CBR4: variants seen among roughly 807,000 people sequenced by gnomAD.
CBR4 encodes 3-oxoacyl-[acyl-carrier-protein] reductase.
In CBR4, 22 loss-of-function variants were observed where a neutral mutation model predicts 21.0. That is an observed-to-expected ratio of 1.05 (90% CI 0.75 to 1.50). CBR4 has a LOEUF of 1.50. CBR4 is among the 40% of genes most tolerant of loss of function. The pLI, the probability that CBR4 is intolerant of heterozygous loss-of-function variation, is 0.00. For missense variants in CBR4, 302 were observed against 286.3 expected, an observed-to-expected ratio of 1.05 and a Z score of -0.40; for synonymous variants, 100 against 104.4, an observed-to-expected ratio of 0.96 and a Z score of 0.26.
intron 2 of CBR4, among the ~76,000 whole-genome samples, chr4:168,913,230 G>C (rs12644874): frequency 1.5e-4 from 22 of 150,774 alleles, no homozygotes; most frequent in Middle Eastern, 3.4e-3. Flanking sequence ...TCCGCCTCCC[G>C]GGTTCAATAG....
Position 168,989,780 on chromosome 4 carries a change from G to A in CBR4, c.*370C>T, listed in dbSNP as rs182615861. On this transcript the variant is annotated 3_prime_UTR_variant, in exon 5 of 5. Transcript: ENST00000306193. ...CACTAAGATTGCTACAGTCTATGAG[G>A]TAACCAAAGGTAAGTGATACACATC... 1,118 of 993,144 alleles carry A rather than the reference G, an allele frequency of 1.1e-3. 4 individuals are homozygous for A. Among genetic ancestry groups the A allele is most frequent in the Middle Eastern group, 4.1e-3 (8 of 1,950 alleles). The allele number at this position is 993,144 out of a possible 1,614,324, so 61.5% of individuals were successfully genotyped here.
At position 168,924,262 on chromosome 4, in the gene CBR4, A is replaced by G. The variant is rs773814059; in HGVS notation, n.170-29497T>C. On this transcript the variant is annotated intron_variant and non_coding_transcript_variant, in intron 2 of 3. Coordinates refer to the CBR4 transcript ENST00000509108. Reference sequence around the variant, plus strand: ...CATCTCATGTTTTCTTAGCTAAAGAAGCACACAAACCCCCTGTGTTTATTG... The same window carrying G: ...CATCTCATGTTTTCTTAGCTAAAGAGGCACACAAACCCCCTGTGTTTATTG... 1.5e-5 allele frequency: 25 copies of G among 1,613,742 alleles called. No homozygotes were observed. The highest frequency in any genetic ancestry group is 6.7e-5 in the Admixed American group (4 of 59,994).
chr4:169,002,212 C>CA lies in CBR4; in HGVS notation c.401-8dup, dbSNP rs60552620. ...TTTAAGCCAACAATGCTTCCTAGGA[C>CA]AAAAAAAAAAAAAAAAAAAAAAAAA... On this transcript the variant is annotated splice_region_variant and splice_polypyrimidine_tract_variant and intron_variant, in intron 3 of 4. Coordinates refer to ENST00000306193, the MANE Select transcript of CBR4 (RefSeq NM_032783.5). 989 of 1,014,678 alleles carry CA rather than the reference C, an allele frequency of 9.7e-4. No individual in the cohort carries two copies. Among genetic ancestry groups the CA allele is most frequent in the African/African-American group, 4.4e-3 (166 of 37,456 alleles). The allele number at this position is 1,014,678 out of a possible 1,614,324, so 62.9% of individuals were successfully genotyped here.
At chr4:168,954,513 G>A (rs1763630528) in intron 2 of CBR4, among the ~76,000 whole-genome samples, 1 of 152,096 alleles carries the variant, frequency 6.6e-6, no homozygotes, top group African/African-American at 2.4e-5. Flanking sequence ...CCTCTTAAAA[G>A]TACCACCTCT....
downstream of CBR4, among the ~76,000 whole-genome samples, chr4:168,985,788 T>C (rs1307360140): frequency 1.3e-5 from 2 of 152,272 alleles, no homozygotes; most frequent in East Asian, 3.9e-4. Flanking sequence ...TAATACCACA[T>C]GCAAAAATGT....
intron 4 of CBR4, among the ~76,000 whole-genome samples, chr4:168,992,377 AAATTACCT>A (rs1470126485): frequency 1.3e-5 from 2 of 152,204 alleles, no homozygotes; most frequent in African/African-American, 4.8e-5. Context: ...GGTGAATAAG[AAATTACCT>A]AATAGGTACA....
intron 2 of CBR4, among the ~76,000 whole-genome samples, chr4:168,918,881 A>G (rs1354987424): frequency 3.3e-5 from 5 of 152,182 alleles, no homozygotes; most frequent in African/African-American, 1.2e-4. Context: ...TAAATAGATA[A>G]TTAGATTATA....
chr4:168,972,273 G>C (rs189399162), intron 2 of CBR4, among the ~76,000 whole-genome samples: 2 of 151,938 alleles, frequency 1.3e-5, no homozygotes, highest in Non-Finnish European at 2.9e-5. Flanking sequence ...GCTCTTTTTC[G>C]GTTCCACATG....
intron 3 of CBR4, among the ~76,000 whole-genome samples, chr4:169,003,267 A>G (rs1730617363): frequency 6.6e-6 from 1 of 152,210 alleles, no homozygotes; most frequent in Admixed American, 6.5e-5. Flanking sequence ...AGGTCAAAAT[A>G]CCAACATTAA....
chr4:168,905,518 G>A (rs1413571679), intron 2 of CBR4, among the ~76,000 whole-genome samples: 1 of 151,804 alleles, frequency 6.6e-6, no homozygotes, highest in Non-Finnish European at 1.5e-5. Context: ...ATATTCCATG[G>A]TCATATAAAT....
At chr4:168,898,819 C>G in intron 2 of CBR4, 1 of 793,430 alleles carries the variant, frequency 1.3e-6, no homozygotes, top group Middle Eastern at 2.2e-4. Context: ...TGATCTTTCT[C>G]AATACCCACG....
chr4:169,004,655 G>C (rs1315493624), intron 3 of CBR4, among the ~76,000 whole-genome samples: 1 of 152,122 alleles, frequency 6.6e-6, no homozygotes, highest in African/African-American at 2.4e-5. Flanking sequence ...TTCAATTTGT[G>C]TGACTTACAT....
At chr4:168,957,519 C>T (rs1763721788) in intron 2 of CBR4, among the ~76,000 whole-genome samples, 1 of 152,096 alleles carries the variant, frequency 6.6e-6, no homozygotes, top group South Asian at 2.1e-4. Flanking sequence ...TAAAGTGTAT[C>T]TGAATTGTGA....
chr4:168,927,986 ATC>A (rs1762770067), intron 2 of CBR4: 2 of 195,418 alleles, frequency 1.0e-5, no homozygotes, highest in African/African-American at 4.6e-5. Context: ...ATAATTTTAT[ATC>A]TGTGTACCAC....
intron 2 of CBR4, among the ~76,000 whole-genome samples, chr4:168,909,242 G>A (rs1758415870): frequency 6.6e-6 from 1 of 152,232 alleles, no homozygotes; most frequent in East Asian, 1.9e-4. Flanking sequence ...CTTGGATTTT[G>A]GAATGGCTAT....
rs1764744510 is a variant in CBR4, at chr4:168,987,854, A to C, written c.*2296T>G. ...ATAATTATCTCCCTAAAAAGCAGTT[A>C]CAAACCATAAATTGAATATGAATAA... On this transcript the variant is annotated 3_prime_UTR_variant, in exon 5 of 5. Coordinates refer to ENST00000306193, the MANE Select transcript of CBR4 (RefSeq NM_032783.5). 1 of 980,442 alleles carries C rather than the reference A, an allele frequency of 1.0e-6. No homozygotes were observed. Among genetic ancestry groups the C allele is most frequent in the Non-Finnish European group, 1.2e-6 (1 of 825,508 alleles). The allele number at this position is 980,442 out of a possible 1,614,324, so 60.7% of individuals were successfully genotyped here.
intron 2 of CBR4, among the ~76,000 whole-genome samples, chr4:168,982,049 G>C (rs1010156715): frequency 6.6e-6 from 1 of 152,134 alleles, no homozygotes; most frequent in Non-Finnish European, 1.5e-5. Flanking sequence ...ATGATGACAG[G>C]ATAAATTCCA....
chr4:168,919,426 G>C (rs1760957465), intron 2 of CBR4, among the ~76,000 whole-genome samples: 1 of 151,956 alleles, frequency 6.6e-6, no homozygotes, highest in Non-Finnish European at 1.5e-5. Context: ...TCAGGAGGCT[G>C]AGGCAAGAGA....
Position 169,006,742 on chromosome 4 carries a change from G to A in CBR4, c.400+13C>T. ...TATGGGATAATCATAAATTCACAAA[G>A]GTGAAGACTCACCTACATTAACAAT... On this transcript the variant is annotated intron_variant, in intron 3 of 4. Coordinates refer to ENST00000306193, the MANE Select transcript of CBR4 (RefSeq NM_032783.5). The A allele has an allele frequency of 1.2e-6, 2 of 1,609,602 alleles. No individual in the cohort carries two copies. Among genetic ancestry groups the A allele is most frequent in the East Asian group, 4.5e-5 (2 of 44,830 alleles).
Sources: allele counts gnomAD v4.1 joint callset (sites outside exome capture counted in the v4.1 genomes callset), GRCh38; gene constraint gnomAD v4.1.1; transcripts MANE v1.5; gene names NCBI Gene and HGNC (gene_info 2026-07-23, HGNC 2026-07-21).